Variants in AKAP8 observed in about 807,000 individuals in gnomAD.
AKAP8 encodes A-kinase anchor protein 8.
Under a neutral mutation model 67.5 loss-of-function variants are expected in AKAP8, and 24 were observed. The ratio of observed to expected loss-of-function variants is 0.36; its 90% CI spans 0.26 to 0.50. The LOEUF is 0.50. AKAP8 is among the 20% of genes least tolerant of loss of function. The pLI, the probability that AKAP8 is intolerant of heterozygous loss-of-function variation, is 0.97. For missense variants in AKAP8, 971 were observed against 955.9 expected (o/e 1.02, Z -0.21); for synonymous variants, 400 against 371.1 (o/e 1.08, Z -0.90).
rs199943338 is a variant in AKAP8, at chr19:15,360,872, G to A, written c.1503C>T (p.Ser501=). 48 of 1,613,422 alleles carry A rather than the reference G, an allele frequency of 3.0e-5. No individual in the cohort carries two copies. The highest frequency in any genetic ancestry group is 2.7e-4 in the Admixed American group (16 of 59,940). ...CCCTGCGGTTGTGATTGTGGTCCAC[G>A]GAGTGCAGGTGCCGCTGGAGGAGCT... is the stretch of plus-strand genomic sequence containing the variant. ...QPQLLQRHLH[S]VDHNHNRRLA... The change falls in exon 12 of 14, where the codon TCC becomes TCT. Residue 501 remains serine, a synonymous_variant. Transcript: ENST00000269701.
In AKAP8 at chr19:15,354,728, A is replaced by G. The variant is rs2048265703; in HGVS notation, c.*187T>C. On this transcript the variant is annotated 3_prime_UTR_variant, in exon 14 of 14. Transcript: ENST00000269701. ...GTACTTCAGCTTTGAAACCTGGGCA[A>G]GAAGCCACACGACTGCATGAGACAA... 1.5e-6 allele frequency: 1 copy of G among 648,704 alleles called. No homozygotes were observed. Among genetic ancestry groups the G allele is most frequent in the Admixed American group, 2.9e-5 (1 of 34,018 alleles). The allele number at this position is 648,704 out of a possible 1,614,324, so 40.2% of individuals were successfully genotyped here. A position where few individuals can be genotyped will look rare whatever the true frequency, so the allele number is the denominator to read the frequency against.
intron 9 of AKAP8, among the ~76,000 whole-genome samples, chr19:15,365,203 C>A (rs555607057): frequency 2.6e-5 from 4 of 152,324 alleles, no homozygotes; most frequent in Admixed American, 2.0e-4. Flanking sequence ...TTCCTCTCTG[C>A]AGGAACTGGG....
chr19:15,379,133 C>T (rs1967318115), intron 1 of AKAP8: 1 of 152,902 alleles, frequency 6.5e-6, no homozygotes, highest in Admixed American at 6.5e-5. Flanking sequence ...GGACTAAAGG[C>T]CCGACCCCGC....
chr19:15,370,075 A>G (rs1319996757), intron 8 of AKAP8, 71 bp downstream of exon 8: 1 of 1,592,020 alleles, frequency 6.3e-7, no homozygotes, highest in African/African-American at 1.3e-5. Flanking sequence ...TGGCTTGCTC[A>G]GAAGCTGGGC....
At chr19:15,376,254 G>A (rs1967250996) in intron 2 of AKAP8, among the ~76,000 whole-genome samples, 3 of 152,074 alleles carry the variant, frequency 2.0e-5, no homozygotes, top group South Asian at 2.1e-4. Flanking sequence ...CAGGCGTGGT[G>A]GCTCACGCCT....
rs1180309872 is a variant in AKAP8, at chr19:15,374,629, T to A, written c.65A>T (p.Tyr22Phe). Residue 22 changes from tyrosine to phenylalanine, a missense_variant, in exon 3 of 14, where the codon TAT (tyrosine) becomes TTT (phenylalanine). Transcript: ENST00000269701. ...SAGPANTQGA[Y>F]GTGVASWQGY... ...TTGCCAGCTGGCCACACCAGTTCCA[T>A]ATGCACCTTAGGGGAAACAGAAACA... is the stretch of plus-strand genomic sequence containing the variant. 1 of 1,609,674 alleles carries A rather than the reference T, an allele frequency of 6.2e-7. No homozygotes were observed. The highest frequency in any genetic ancestry group is 2.2e-5 in the East Asian group (1 of 44,524).
intron 13 of AKAP8, among the ~76,000 whole-genome samples, chr19:15,356,874 T>A (rs888769893): frequency 6.6e-6 from 1 of 152,066 alleles, no homozygotes; most frequent in African/African-American, 2.4e-5. Context: ...CTCACGTCTG[T>A]AATTCCAACA....
At chr19:15,367,477 G>T (rs547446947) in intron 9 of AKAP8, among the ~76,000 whole-genome samples, 1 of 152,132 alleles carries the variant, frequency 6.6e-6, no homozygotes, top group African/African-American at 2.4e-5. Context: ...ATAGTGAGCC[G>T]AGATTATGCT....
Position 15,379,757 on chromosome 19 carries a change from C to T in AKAP8, c.-26G>A, listed in dbSNP as rs754029347. On this transcript the variant is annotated 5_prime_UTR_variant, in exon 1 of 14. Transcript: ENST00000269701. ...GTCTTCGACGCGGCCCACCAGCAGC[C>T]CCGTTTACTAGGCGACCACAGCACG... 1 of 1,610,584 alleles carries T rather than the reference C, an allele frequency of 6.2e-7. No individual in the cohort carries two copies. The highest frequency in any genetic ancestry group is 8.5e-7 in the Non-Finnish European group (1 of 1,178,752).
chr19:15,371,741 A>G (rs1390399709), intron 7 of AKAP8, among the ~76,000 whole-genome samples: 1 of 151,990 alleles, frequency 6.6e-6, no homozygotes, highest in Admixed American at 6.6e-5. Flanking sequence ...CACCCACCTG[A>G]GCCTCCCTAA....
rs192512816 is a variant in AKAP8, at chr19:15,371,271, G to A, written c.1038+681C>T. On this transcript the variant is annotated intron_variant, in intron 7 of 13. Transcript: ENST00000269701. ...TCCCCAAGAGCTTGGGGTGGTCCCG[G>A]CTATGAACTGGCCCCACGTGCTGCC... is the stretch of plus-strand genomic sequence containing the variant. Among the ~76,000 whole-genome samples, 12 of 152,230 alleles carry A rather than the reference G, an allele frequency of 7.9e-5. No homozygotes were observed. In the East Asian group the frequency reaches 2.3e-3, roughly 29 times the overall value.
At chr19:15,364,416 T>C (rs762988075) in intron 9 of AKAP8, among the ~76,000 whole-genome samples, 2 of 152,100 alleles carry the variant, frequency 1.3e-5, no homozygotes, top group Non-Finnish European at 2.9e-5. Context: ...AGTGGTGCGA[T>C]CTTGGCTCAC....
Position 15,362,207 on chromosome 19 carries a change from T to A in AKAP8, c.1205A>T (p.Asp402Val). 6.2e-7 allele frequency: 1 copy of A among 1,614,072 alleles called. No homozygotes were observed. Among genetic ancestry groups the A allele is most frequent in the East Asian group, 2.2e-5 (1 of 44,870 alleles). Reference protein sequence around the residue: ...CSVCKFRSFDDEEIQKHLQSK... With the variant: ...CSVCKFRSFDVEEIQKHLQSK... ...TTGCAGATGCTTCTGGATCTCTTCG[T>A]CATCAAAGCTACGGAACTTGCATAC... is the stretch of plus-strand genomic sequence containing the variant. Residue 402 changes from aspartate (D) to valine (V), a missense_variant, in exon 10 of 14, where the codon GAC (aspartate) becomes GTC (valine). Asp to Val is a radical substitution (Grantham distance 152). Transcript: ENST00000269701.
chr19:15,355,433 G>C (rs968789930), intron 13 of AKAP8, 63 bp from the exon 14 acceptor site: 59 of 1,467,442 alleles, frequency 4.0e-5, no homozygotes, highest in Non-Finnish European at 4.8e-5. Flanking sequence ...CCATGATTGC[G>C]GGGATGTCAG....
At chr19:15,376,731 A>T (rs1418559583) in intron 2 of AKAP8, among the ~76,000 whole-genome samples, 1 of 152,222 alleles carries the variant, frequency 6.6e-6, no homozygotes, top group South Asian at 2.1e-4. Context: ...GGAACTTCAA[A>T]TTGTATTGTC....
At chr19:15,371,214 A>G (rs1345650337) in intron 7 of AKAP8, among the ~76,000 whole-genome samples, 1 of 152,068 alleles carries the variant, frequency 6.6e-6, no homozygotes, top group African/African-American at 2.4e-5. Context: ...TCCAACTTGG[A>G]TCAGAATCTA....
intron 2 of AKAP8, 81 bp from the exon 3 acceptor site, chr19:15,374,716 T>A (rs930994918): frequency 1.3e-6 from 2 of 1,535,400 alleles, no homozygotes; most frequent in Non-Finnish European, 1.8e-6. Flanking sequence ...TGCTCCACCC[T>A]CCACAGCCCC....
intron 9 of AKAP8, among the ~76,000 whole-genome samples, chr19:15,365,600 C>T (rs1599562955): frequency 6.6e-6 from 1 of 152,176 alleles, no homozygotes; most frequent in African/African-American, 2.4e-5. Flanking sequence ...GCAGACAGCC[C>T]CTACGTAGGC....
chr19:15,353,469 C>G lies in AKAP8; in HGVS notation c.*1446G>C, dbSNP rs1280030613. The G allele has an allele frequency of 6.6e-6, 1 of 151,504 alleles. No homozygotes were observed. The highest frequency in any genetic ancestry group is 2.1e-4 in the South Asian group (1 of 4,794). The allele number at this position is 151,504 out of a possible 1,614,324, so 9.4% of individuals were successfully genotyped here. Reference sequence around the variant, plus strand: ...AGGCATGCTCACCCTGCGATTAAGACGCATCTACACAACACAAACGGATGC... The same window carrying G: ...AGGCATGCTCACCCTGCGATTAAGAGGCATCTACACAACACAAACGGATGC... On this transcript the variant is annotated 3_prime_UTR_variant, in exon 14 of 14. Coordinates refer to ENST00000269701, the MANE Select transcript of AKAP8 (RefSeq NM_005858.4).
Sources: allele counts gnomAD v4.1 joint callset (sites outside exome capture counted in the v4.1 genomes callset), GRCh38; gene constraint gnomAD v4.1.1; transcripts MANE v1.5; gene names NCBI Gene and HGNC (gene_info 2026-07-23, HGNC 2026-07-21).